The following PTPRN2 variants were observed in gnomAD, a reference collection of about 807,000 sequenced individuals.
PTPRN2 encodes the protein receptor-type tyrosine-protein phosphatase N2.
Under a neutral mutation model 118.8 loss-of-function variants are expected in PTPRN2, and 74 were observed. The ratio of observed to expected loss-of-function variants is 0.62; its 90% CI spans 0.52 to 0.76. The LOEUF is 0.76. PTPRN2 is among the 30% of genes least tolerant of loss of function. The pLI is 0.00. For missense variants in PTPRN2, 1,481 were observed against 1,394.4 expected, an observed-to-expected ratio of 1.06 and a Z score of -0.99; for synonymous variants, 641 against 608.0, an observed-to-expected ratio of 1.05 and a Z score of -0.80.
At position 158,310,160 on chromosome 7, in the gene PTPRN2, G is replaced by A. The variant is rs192749786; in HGVS notation, c.277+6659C>T. Among the ~76,000 whole-genome samples, 52 of 152,304 alleles carry A rather than the reference G, an allele frequency of 3.4e-4. No individual in the cohort carries two copies. The East Asian group carries it at 4.1e-3, about 12-fold the overall frequency. On this transcript the variant is annotated intron_variant, in intron 3 of 22. Coordinates refer to ENST00000389418, the MANE Select transcript of PTPRN2 (RefSeq NM_002847.5). ...AATTGGCACCGGGAAGTAGCAGCAC[G>A]GCTGTGACAAATTCCTAAAAATGCA... is the stretch of plus-strand genomic sequence containing the variant.
Position 158,249,557 on chromosome 7 carries a change from C to T in PTPRN2, c.278-44284G>A, listed in dbSNP as rs1585980867. Among the ~76,000 whole-genome samples the T allele has an allele frequency of 2.7e-5, 4 of 150,914 alleles. No homozygotes were observed. The East Asian group carries it at 7.9e-4, about 30-fold the overall frequency. The stretch of plus-strand genomic sequence containing the variant: ...TGCATACATACACATATCTACCACA[C>T]CTGCACACACACACCCTGCATGCAC... On this transcript the variant is annotated intron_variant, in intron 3 of 22. Coordinates refer to ENST00000389418, the MANE Select transcript of PTPRN2 (RefSeq NM_002847.5).
At chr7:158,417,201 A>G (rs981945533) in intron 2 of PTPRN2, among the ~76,000 whole-genome samples, 1 of 151,958 alleles carries the variant, frequency 6.6e-6, no homozygotes, top group African/African-American at 2.4e-5. Flanking sequence ...TGCTGTGTTA[A>G]GTCACAGTGC....
chr7:157,721,518 T>C (rs10259926), intron 12 of PTPRN2, among the ~76,000 whole-genome samples: 117,028 of 152,206 alleles, frequency 0.77, 45,553 homozygotes, highest in African/African-American at 0.89. Context: ...GCCTCCTGAC[T>C]GTCAGCCGAG....
chr7:158,331,547 C>G (rs1278211429), intron 2 of PTPRN2, among the ~76,000 whole-genome samples: 59 of 132,432 alleles, frequency 4.5e-4, no homozygotes, highest in Middle Eastern at 5.1e-3. Flanking sequence ...ACCATAAGAG[C>G]TGACACCCGC....
chr7:157,555,838 G>A (rs1340153891), intron 21 of PTPRN2, among the ~76,000 whole-genome samples: 1 of 152,186 alleles, frequency 6.6e-6, no homozygotes, highest in East Asian at 1.9e-4. Context: ...AATACATGAC[G>A]AATGGTGATT....
At chr7:158,463,031 C>G (rs1819117189) in intron 2 of PTPRN2, among the ~76,000 whole-genome samples, 2 of 10,816 alleles carry the variant, frequency 1.8e-4, no homozygotes, top group South Asian at 3.2e-3. Context: ...GTTTCCCCAG[C>G]CTGGCTGCAC....
intron 11 of PTPRN2, among the ~76,000 whole-genome samples, chr7:157,988,351 G>A (rs141727781): frequency 1.4e-3 from 211 of 147,184 alleles, no homozygotes; most frequent in African/African-American, 5.1e-3. Flanking sequence ...ACTCCCAGGC[G>A]TGCCCCCAGC....
At chr7:158,013,749 AT>A (rs1806224668) in intron 11 of PTPRN2, among the ~76,000 whole-genome samples, 1 of 1,872 alleles carries the variant, frequency 5.3e-4, no homozygotes, top group Non-Finnish European at 9.9e-4. Flanking sequence ...CCACCCGCCC[AT>A]CCATCCATCC....
At position 158,525,851 on chromosome 7, in the gene PTPRN2, C is replaced by T. The variant is rs1824736500; in HGVS notation, c.113-36066G>A. 6.6e-6 allele frequency among the ~76,000 whole-genome samples: 1 copy of T among 152,114 alleles called. No individual in the cohort carries two copies. The highest frequency in any genetic ancestry group is 6.5e-5 in the Admixed American group (1 of 15,268). The stretch of plus-strand genomic sequence containing the variant: ...TCCCGCTTCAGCAAGAGGAAAGCCC[C>T]GATGATACAGGGTGAAGACGCCTCC... On this transcript the variant is annotated intron_variant, in intron 1 of 22. Coordinates refer to ENST00000389418, the MANE Select transcript of PTPRN2 (RefSeq NM_002847.5). This position sits in a 1 kb window ranked among gnomAD's most constrained non-coding sequence, Gnocchi z 4.1.
At chr7:158,304,897 C>T (rs1470835146) in intron 3 of PTPRN2, among the ~76,000 whole-genome samples, 1 of 152,240 alleles carries the variant, frequency 6.6e-6, no homozygotes, top group African/African-American at 2.4e-5. Flanking sequence ...AAAAGGGATT[C>T]TCTACAGAAT....
chr7:158,247,882 C>T (rs924459854), intron 3 of PTPRN2, among the ~76,000 whole-genome samples: 1 of 152,118 alleles, frequency 6.6e-6, no homozygotes, highest in Non-Finnish European at 1.5e-5. Context: ...TCCCAAAGTG[C>T]TGGGATTACA....
intron 11 of PTPRN2, among the ~76,000 whole-genome samples, chr7:157,921,063 A>G (rs1047438450): frequency 6.6e-6 from 1 of 152,208 alleles, no homozygotes; most frequent in Non-Finnish European, 1.5e-5. Context: ...AATTGCCCAA[A>G]CTTGGAAGCA....
In PTPRN2 at chr7:158,237,735, G is replaced by C. The variant is rs1795616081; in HGVS notation, c.278-32462C>G. ...CACCTTACGAGAAACACCCACAGGT[G>C]TGTAGGGGCAACCCACCCCTACACT... On this transcript the variant is annotated intron_variant, in intron 3 of 22. Coordinates refer to ENST00000389418, the MANE Select transcript of PTPRN2 (RefSeq NM_002847.5). Among the ~76,000 whole-genome samples, 2 of 150,066 alleles carry C rather than the reference G, an allele frequency of 1.3e-5. 1 individual carries two copies. The highest frequency in any genetic ancestry group is 3.0e-5 in the Non-Finnish European group (2 of 67,538).
At chr7:157,891,937 C>T (rs1480799317) in intron 12 of PTPRN2, among the ~76,000 whole-genome samples, 2 of 152,220 alleles carry the variant, frequency 1.3e-5, no homozygotes, top group Admixed American at 1.3e-4. Context: ...CTGAGCAGCT[C>T]TTCCCCTCAG....
intron 11 of PTPRN2, among the ~76,000 whole-genome samples, chr7:157,967,970 T>C (rs562662143): frequency 6.6e-6 from 1 of 152,302 alleles, no homozygotes; most frequent in South Asian, 2.1e-4. Context: ...GTTGGATCAT[T>C]TGTTAGTAAC....
intron 2 of PTPRN2, among the ~76,000 whole-genome samples, chr7:158,350,930 T>TCC (rs1684343269): frequency 6.6e-6 from 1 of 152,132 alleles, no homozygotes; most frequent in African/African-American, 2.4e-5. Flanking sequence ...GCTCATTCTC[T>TCC]CCCCCAGCGT....
chr7:157,596,469 T>A lies in PTPRN2; in HGVS notation c.2419-1154A>T, dbSNP rs892438782. Among the ~76,000 whole-genome samples, 1 of 152,206 alleles carries A rather than the reference T, an allele frequency of 6.6e-6. No individual in the cohort carries two copies. Among genetic ancestry groups the A allele is most frequent in the South Asian group, 2.1e-4 (1 of 4,830 alleles). On this transcript the variant is annotated intron_variant, in intron 16 of 22. Coordinates refer to ENST00000389418, the MANE Select transcript of PTPRN2 (RefSeq NM_002847.5). The surrounding 1 kb of genome is among the most constrained non-coding windows in gnomAD (Gnocchi z 4.2). The stretch of plus-strand genomic sequence containing the variant: ...GCTTAGAAGACCATAATTATTACAT[T>A]TATTTCGAAGATTAAGCACAGAAAA...
intron 1 of PTPRN2, among the ~76,000 whole-genome samples, chr7:158,548,778 C>A (rs1469175925): frequency 6.6e-6 from 1 of 152,212 alleles, no homozygotes; most frequent in African/African-American, 2.4e-5. Flanking sequence ...ACCCAGGCGG[C>A]CTCTAGAGGG....
rs1828224611 is a variant in PTPRN2 at position 158,574,634 on chromosome 7, G to T, written c.112+12924C>A. The stretch of plus-strand genomic sequence containing the variant: ...GTGATAGGATCAGATTTTCAGTTGT[G>T]GCAGTTACTCTAGCCAGAACTGGAA... On this transcript the variant is annotated intron_variant, in intron 1 of 22. Coordinates refer to ENST00000389418, the MANE Select transcript of PTPRN2 (RefSeq NM_002847.5). The surrounding 1 kb of genome is among the most constrained non-coding windows in gnomAD (Gnocchi z 4.6). Among the ~76,000 whole-genome samples the T allele has an allele frequency of 6.6e-6, 1 of 152,180 alleles. No individual in the cohort carries two copies. The highest frequency in any genetic ancestry group is 1.5e-5 in the Non-Finnish European group (1 of 68,032).
Sources: allele counts gnomAD v4.1 joint callset (sites outside exome capture counted in the v4.1 genomes callset), GRCh38; gene constraint gnomAD v4.1.1; non-coding constraint Gnocchi (gnomAD v3.1); transcripts MANE v1.5; gene names NCBI Gene and HGNC (gene_info 2026-07-23, HGNC 2026-07-21).